GLE1: variants seen among roughly 807,000 people sequenced by gnomAD.
GLE1 encodes the protein mRNA export factor GLE1.
GLE1 carries 78 observed loss-of-function variants against 97.3 expected under a neutral mutation model. The ratio of observed to expected loss-of-function variants is 0.80; its 90% CI spans 0.67 to 0.97. The LOEUF is 0.97. Ranked by LOEUF, GLE1 falls within the 50% of genes least tolerant of loss-of-function variation. The pLI is 0.00. For missense variants in GLE1, 753 were observed against 857.5 expected, an observed-to-expected ratio of 0.88 and a Z score of 1.52; for synonymous variants, 302 against 313.4, an observed-to-expected ratio of 0.96 and a Z score of 0.39.
chr9:128,506,975 CATTT>C (rs1846657625), intron 1 of GLE1, among the ~76,000 whole-genome samples: 1 of 152,084 alleles, frequency 6.6e-6, no homozygotes, highest in Admixed American at 6.6e-5. Context: ...CTAGTTTTTT[CATTT>C]ATTTATTATA....
intron 3 of GLE1, among the ~76,000 whole-genome samples, chr9:128,520,336 GTGTATATGTGTATATA>G (rs1292089637): frequency 6.9e-6 from 1 of 145,928 alleles, no homozygotes; most frequent in Non-Finnish European, 1.5e-5. Context: ...GTGTGTATAT[GTGTATATGTGTATATA>G]TGTATGTGTG....
In GLE1 at chr9:128,509,086, A is replaced by C. The variant is rs543589909; in HGVS notation, c.310A>C (p.Asn104His). 5 of 1,597,502 alleles carry C rather than the reference A, an allele frequency of 3.1e-6. No individual in the cohort carries two copies. The highest frequency in any genetic ancestry group is 4.3e-6 in the Non-Finnish European group (5 of 1,164,912). The change falls in exon 2 of 16, where the codon AAT becomes CAT. Residue 104 changes from asparagine (N) to histidine (H), a missense_variant. By Grantham distance (68) the Asn-to-His change is moderately conservative. Transcript: ENST00000309971. ...TTCCCCAGCCTCCCCTGCAACACCA[A>C]ATGGAACCAAGGTAAGGTTGTGATC... ...AFSPASPATP[N>H]GTKGKDESQH... is the part of the protein sequence containing the mutation.
chr9:128,541,040 T>G (rs561068146), intron 15 of GLE1, 62 bp from the exon 16 acceptor site: 95 of 926,646 alleles, frequency 1.0e-4, no homozygotes, highest in Non-Finnish European at 1.5e-4. Context: ...CTTTTAACCA[T>G]TAAGTGTTGG....
Position 128,536,485 on chromosome 9 carries a change from G to A in GLE1, c.1776+1G>A. ...GTGGCCATATGGAAACCGACAGGAG[G>A]TAGGTAAAAGAGGCTTACTGTCAAT... is the stretch of plus-strand genomic sequence containing the variant. On this transcript the variant is annotated splice_donor_variant, in intron 12 of 15. Coordinates refer to ENST00000309971, the MANE Select transcript of GLE1 (RefSeq NM_001003722.2). LOFTEE classifies it high-confidence loss of function. 6.2e-7 allele frequency: 1 copy of A among 1,613,012 alleles called. No individual in the cohort carries two copies. The highest frequency in any genetic ancestry group is 8.5e-7 in the Non-Finnish European group (1 of 1,179,056).
At chr9:128,515,814 A>G (rs1846969312) in intron 3 of GLE1, among the ~76,000 whole-genome samples, 175 bp downstream of exon 3, 1 of 152,214 alleles carries the variant, frequency 6.6e-6, no homozygotes, top group African/African-American at 2.4e-5. Flanking sequence ...GTCTGGTTTC[A>G]GATCCTGGCT....
chr9:128,541,016 G>A, intron 15 of GLE1, 86 bp from the exon 16 acceptor site: 1 of 833,428 alleles, frequency 1.2e-6, no homozygotes, highest in South Asian at 1.3e-5. Flanking sequence ...GAAATATGGT[G>A]TTCCTCAAAG....
intron 9 of GLE1, among the ~76,000 whole-genome samples, chr9:128,528,003 C>CT (rs754132202): frequency 0.18 from 19,863 of 111,380 alleles, 2,710 homozygotes; most frequent in African/African-American, 0.31. Context: ...TTCTTTTTTT[C>CT]TTTTTTTTTT....
intron 3 of GLE1, among the ~76,000 whole-genome samples, chr9:128,520,181 C>T (rs529206067): frequency 5.3e-5 from 8 of 151,764 alleles, no homozygotes; most frequent in Middle Eastern, 3.4e-3. Flanking sequence ...ACCTGGGAGG[C>T]GGAGGTTGCA....
chr9:128,521,188 G>A (rs1847141816), intron 3 of GLE1, among the ~76,000 whole-genome samples: 1 of 152,074 alleles, frequency 6.6e-6, no homozygotes, highest in Non-Finnish European at 1.5e-5. Context: ...AGTCCCAGAG[G>A]AGAGGACATA....
At chr9:128,525,513 T>C (rs1847276757) in intron 7 of GLE1, 90 bp downstream of exon 7, 1 of 881,358 alleles carries the variant, frequency 1.1e-6, no homozygotes, top group African/African-American at 1.7e-5. Flanking sequence ...TGTTAAACTG[T>C]AGGACAGTTA....
At chr9:128,529,610 C>G (rs986284420) in intron 9 of GLE1, among the ~76,000 whole-genome samples, 1 of 152,078 alleles carries the variant, frequency 6.6e-6, no homozygotes. Flanking sequence ...GCTGCTTTCT[C>G]TGTGCAACTC....
At position 128,508,887 on chromosome 9, in the gene GLE1, A is replaced by G; in HGVS notation, c.111A>G (p.Glu37=). The change falls in exon 2 of 16, where the codon GAA becomes GAG. Residue 37 remains glutamate (E), a synonymous_variant. Coordinates refer to ENST00000309971, the MANE Select transcript of GLE1 (RefSeq NM_001003722.2). The stretch of plus-strand genomic sequence containing the variant: ...ATTCTTTTCTCTAGGATGTTTTAGA[A>G]GAATGTATGTCTCTTCCCAAGCTAT... ...DWLLRREDVL[E]ECMSLPKLSS... is the part of the protein sequence containing the mutation. 4 of 1,591,694 alleles carry G rather than the reference A, an allele frequency of 2.5e-6. No homozygotes were observed. Among genetic ancestry groups the G allele is most frequent in the Non-Finnish European group, 2.6e-6 (3 of 1,159,574 alleles).
intron 1 of GLE1, among the ~76,000 whole-genome samples, chr9:128,508,314 G>T (rs1846702807): frequency 6.6e-6 from 1 of 152,052 alleles, no homozygotes. Context: ...GTTGAGGTGG[G>T]AGGATAGCTT....
chr9:128,524,154 A>G (rs921990083), intron 6 of GLE1, among the ~76,000 whole-genome samples: 7 of 137,628 alleles, frequency 5.1e-5, no homozygotes, highest in South Asian at 2.3e-4. Flanking sequence ...GTCTCAGCTC[A>G]TGCAACCTCT....
At position 128,511,521 on chromosome 9, in the gene GLE1, C is replaced by T. The variant is rs370008498; in HGVS notation, c.321+2424C>T. Among the ~76,000 whole-genome samples, 12 of 151,228 alleles carry T rather than the reference C, an allele frequency of 7.9e-5. No homozygotes were observed. In the East Asian group the frequency reaches 2.2e-3, roughly 27 times the overall value. ...AGGAGATCAAGACCATTCTGGCTAA[C>T]ACGGTCAAACCCCTTCTCTACTAAA... On this transcript the variant is annotated intron_variant, in intron 2 of 15. Transcript: ENST00000309971.
chr9:128,516,521 G>C (rs142188247), intron 3 of GLE1, among the ~76,000 whole-genome samples: 1 of 151,720 alleles, frequency 6.6e-6, no homozygotes, highest in South Asian at 2.1e-4. Flanking sequence ...GGGTTTTGCC[G>C]TGTTAGCCAG....
At chr9:128,526,229 C>A (rs1847297162) in intron 7 of GLE1, among the ~76,000 whole-genome samples, 1 of 151,642 alleles carries the variant, frequency 6.6e-6, no homozygotes, top group Non-Finnish European at 1.5e-5. Flanking sequence ...ACCACGTTGG[C>A]CAGGCTGGTC....
Position 128,527,444 on chromosome 9 carries a change from C to G in GLE1, c.1243-12C>G, listed in dbSNP as rs748051051. 19 of 1,603,496 alleles carry G rather than the reference C, an allele frequency of 1.2e-5. No individual in the cohort carries two copies. The highest frequency in any genetic ancestry group is 1.5e-5 in the Non-Finnish European group (17 of 1,170,600). On this transcript the variant is annotated splice_polypyrimidine_tract_variant and intron_variant, in intron 8 of 15. Transcript: ENST00000309971. ...TTCAGAACACTGCTTTCTCACTGTT[C>G]TCTTCTGGCAGGCCAAAAAGATAAA... is the stretch of plus-strand genomic sequence containing the variant.
At chr9:128,517,040 AGCACTTTGGGAGGGTGAG>A (rs1420048697) in intron 3 of GLE1, among the ~76,000 whole-genome samples, 2 of 152,068 alleles carry the variant, frequency 1.3e-5, no homozygotes, top group African/African-American at 4.8e-5. Flanking sequence ...CCGTAATCCC[AGCACTTTGGGAGGGTGAG>A]GCAGGTGGAT....
Sources: gnomAD v4.1 joint callset for allele counts (sites outside exome capture counted in the v4.1 genomes callset) on GRCh38, gnomAD v4.1.1 for gene constraint, MANE v1.5 for transcripts, NCBI Gene and HGNC (gene_info 2026-07-23, HGNC 2026-07-21) for gene names.